The following CNTN6 variants were observed in gnomAD, a reference collection of about 807,000 sequenced individuals.
The protein encoded by CNTN6 is contactin 6.
Under a neutral mutation model 122.8 loss-of-function variants are expected in CNTN6, and 137 were observed. The ratio of observed to expected loss-of-function variants is 1.12; its 90% confidence interval spans 0.97 to 1.29. The LOEUF is 1.29. Ranked by LOEUF, CNTN6 falls within the 50% of genes most tolerant of loss-of-function variation. The pLI is 0.00. For synonymous variants in CNTN6, 570 were observed against 426.0 expected (o/e 1.34, Z -4.16); for missense variants, 1,634 against 1,223.4 (o/e 1.34, Z -5.01).
At chr3:1,298,379 C>T (rs545797901) in intron 7 of CNTN6, 1 of 155,640 alleles carries the variant, frequency 6.4e-6, no homozygotes, top group South Asian at 2.0e-4. Flanking sequence ...GGAGTATTTC[C>T]TTGCTTAATT....
chr3:1,122,860 T>C (rs1403015717), intron 1 of CNTN6, among the ~76,000 whole-genome samples: 1 of 151,888 alleles, frequency 6.6e-6, no homozygotes, highest in Non-Finnish European at 1.5e-5. Flanking sequence ...TTTGGGCTGT[T>C]TCCACCATTT....
chr3:1,308,822 C>A (rs757610924), intron 7 of CNTN6, among the ~76,000 whole-genome samples: 1 of 151,970 alleles, frequency 6.6e-6, no homozygotes, highest in Non-Finnish European at 1.5e-5. Flanking sequence ...TGTTTTTTAG[C>A]CATTCTTACA....
At chr3:1,151,266 A>G (rs930534667) in intron 2 of CNTN6, among the ~76,000 whole-genome samples, 4 of 152,286 alleles carry the variant, frequency 2.6e-5, no homozygotes, top group African/African-American at 4.8e-5. Flanking sequence ...TATTTGTTAA[A>G]TGAATGAATT....
At chr3:1,218,202 G>A (rs2094154688) in intron 2 of CNTN6, among the ~76,000 whole-genome samples, 1 of 152,106 alleles carries the variant, frequency 6.6e-6, no homozygotes, top group Non-Finnish European at 1.5e-5. Context: ...TGGCCTGGCA[G>A]AGGGTATCAG....
chr3:1,104,447 A>T (rs1322596528), intron 1 of CNTN6, among the ~76,000 whole-genome samples: 1 of 152,178 alleles, frequency 6.6e-6, no homozygotes, highest in Admixed American at 6.5e-5. Context: ...TCACAGACCC[A>T]ACTCTTTCCC....
intron 4 of CNTN6, among the ~76,000 whole-genome samples, chr3:1,276,286 T>C (rs1692344770): frequency 2.0e-5 from 3 of 152,174 alleles, no homozygotes; most frequent in Admixed American, 1.3e-4. Context: ...AGGATAATGG[T>C]GTATCAATAT....
At chr3:1,242,435 T>A (rs1011512444) in intron 4 of CNTN6, among the ~76,000 whole-genome samples, 3 of 152,116 alleles carry the variant, frequency 2.0e-5, no homozygotes, top group Non-Finnish European at 2.9e-5. Flanking sequence ...GTCCGGTTTT[T>A]GGACAGGTAA....
chr3:1,318,017 CCTT>C (rs1024051392), intron 7 of CNTN6, among the ~76,000 whole-genome samples: 41 of 151,094 alleles, frequency 2.7e-4, no homozygotes, highest in African/African-American at 1.0e-3. Flanking sequence ...AATCTTATAA[CCTT>C]CTCCTTAATT....
chr3:1,280,747 G>T (rs1345575607), intron 5 of CNTN6, among the ~76,000 whole-genome samples: 1 of 151,958 alleles, frequency 6.6e-6, no homozygotes, highest in Admixed American at 6.6e-5. Context: ...TTACAGGCAT[G>T]AGTCACCGCA....
intron 2 of CNTN6, among the ~76,000 whole-genome samples, chr3:1,168,675 G>T (rs1182910004): frequency 6.6e-6 from 1 of 151,974 alleles, no homozygotes; most frequent in Non-Finnish European, 1.5e-5. Flanking sequence ...TAAGCCACCT[G>T]CCCAATGTCA....
chr3:1,348,008 C>G (rs950849398), intron 11 of CNTN6, among the ~76,000 whole-genome samples: 1 of 151,704 alleles, frequency 6.6e-6, no homozygotes, highest in African/African-American at 2.4e-5. Flanking sequence ...TGCCTACATT[C>G]TTAGGCAGGA....
intron 2 of CNTN6, among the ~76,000 whole-genome samples, chr3:1,168,200 G>A (rs141765967): frequency 2.0e-5 from 3 of 151,956 alleles, no homozygotes; most frequent in East Asian, 3.9e-4. Flanking sequence ...GACACATCGC[G>A]CCCGGCCTGG....
At chr3:1,196,773 T>C (rs557154135) in intron 2 of CNTN6, among the ~76,000 whole-genome samples, 1 of 152,350 alleles carries the variant, frequency 6.6e-6, no homozygotes, top group African/African-American at 2.4e-5. Flanking sequence ...TGATTATTTA[T>C]TCGCCAAATA....
intron 2 of CNTN6, among the ~76,000 whole-genome samples, chr3:1,212,627 T>G (rs906193116): frequency 3.9e-5 from 6 of 151,902 alleles, no homozygotes; most frequent in African/African-American, 1.5e-4. Flanking sequence ...GGCTCAAAAA[T>G]ACCAACACCA....
chr3:1,100,583 C>A (rs73816446), intron 1 of CNTN6, among the ~76,000 whole-genome samples: 1 of 152,034 alleles, frequency 6.6e-6, no homozygotes, highest in African/African-American at 2.4e-5. Context: ...TTCAATCTTG[C>A]GTCTTTTAAA....
At chr3:1,308,451 A>G (rs1032452554) in intron 7 of CNTN6, among the ~76,000 whole-genome samples, 1 of 152,064 alleles carries the variant, frequency 6.6e-6, no homozygotes, top group African/African-American at 2.4e-5. Flanking sequence ...GAATGACATC[A>G]GAAACCAATA....
chr3:1,146,605 T>C (rs1662983038), intron 1 of CNTN6, among the ~76,000 whole-genome samples: 1 of 152,164 alleles, frequency 6.6e-6, no homozygotes, highest in Non-Finnish European at 1.5e-5. Flanking sequence ...GCGTAAGGTT[T>C]TTTTTGTTTT....
At chr3:1,327,431 T>A in intron 9 of CNTN6, 26 bp from the exon 10 acceptor site, 1 of 1,605,008 alleles carries the variant, frequency 6.2e-7, no homozygotes, top group Non-Finnish European at 8.5e-7. Context: ...CGTACAAGCA[T>A]CTTTATATGC....
chr3:1,387,193 T>C (rs1693144193), intron 20 of CNTN6, among the ~76,000 whole-genome samples: 1 of 151,866 alleles, frequency 6.6e-6, no homozygotes, highest in Non-Finnish European at 1.5e-5. Flanking sequence ...TCTGGAAGCA[T>C]CTTAGAAAAT....
Sources: allele counts gnomAD v4.1 joint callset (sites outside exome capture counted in the v4.1 genomes callset), GRCh38; gene constraint gnomAD v4.1.1; transcripts MANE v1.5; gene names NCBI Gene and HGNC (gene_info 2026-07-23, HGNC 2026-07-21).